The following ABCG2 variants were observed in gnomAD, a reference collection of about 807,000 sequenced individuals.
The protein encoded by ABCG2 is ATP binding cassette subfamily G member 2 (JR blood group).
In ABCG2, 80 loss-of-function variants were observed where a neutral mutation model predicts 73.5. The observed-to-expected ratio is 1.09, with a 90% confidence interval of 0.91 to 1.31. The LOEUF (loss-of-function observed/expected upper bound fraction) is 1.31. ABCG2 is among the 50% of genes most tolerant of loss of function. The probability of loss-of-function intolerance (pLI) is 0.00; values close to 1 mark genes in which losing one functional copy is unlikely to be tolerated. For missense variants in ABCG2, 796 were observed against 786.2 expected (o/e 1.01, Z -0.15); for synonymous variants, 269 against 282.4 (o/e 0.95, Z 0.48).
In ABCG2 at chr4:88,099,342, T is replaced by C. The variant is rs1722230534; in HGVS notation, c.1474A>G (p.Ile492Val). 6.2e-7 allele frequency: 1 copy of C among 1,608,586 alleles called. No individual in the cohort carries two copies. The highest frequency in any genetic ancestry group is 1.1e-5 in the South Asian group (1 of 89,718). ...RMLPSIIFTC[I>V]VYFMLGLKPK... is the part of the protein sequence containing the mutation. ...TACTTACCTAACATGAAGTACACTA[T>C]ACAGGTAAATATAATACTTGGTAAC... Residue 492 changes from isoleucine (I) to valine (V), a missense_variant, in exon 12 of 16, where the codon ATA becomes GTA. Coordinates refer to ENST00000237612, the MANE Select transcript of ABCG2 (RefSeq NM_004827.3).
At chr4:88,108,381 A>T (rs555308165) in intron 9 of ABCG2, among the ~76,000 whole-genome samples, 1 of 151,884 alleles carries the variant, frequency 6.6e-6, no homozygotes, top group South Asian at 2.1e-4. Context: ...CACACAAAAA[A>T]ATTAGCCAGG....
At chr4:88,217,625 G>A (rs1189394158) in intron 1 of ABCG2, among the ~76,000 whole-genome samples, 3 of 151,270 alleles carry the variant, frequency 2.0e-5, no homozygotes, top group Non-Finnish European at 4.4e-5. Flanking sequence ...TCACGCCACA[G>A]CACTCCAGCC....
chr4:88,184,343 C>T (rs2110102323), intron 1 of ABCG2, among the ~76,000 whole-genome samples: 1 of 152,174 alleles, frequency 6.6e-6, no homozygotes, highest in African/African-American at 2.4e-5. Flanking sequence ...CTAGAACTGA[C>T]AAATTCAGTA....
intron 3 of ABCG2, 152 bp downstream of exon 3, chr4:88,132,424 C>A: frequency 1.4e-6 from 1 of 725,928 alleles, no homozygotes; most frequent in South Asian, 2.0e-5. Flanking sequence ...GGGAAAAAAC[C>A]ACGCAACTAC....
At chr4:88,209,588 C>T (rs55721103) in intron 1 of ABCG2, among the ~76,000 whole-genome samples, 9,732 of 151,546 alleles carry the variant, frequency 0.064, 411 homozygotes, top group Non-Finnish European at 0.1. Flanking sequence ...ACCTGGGAGC[C>T]GGAGGTTGCA....
chr4:88,160,791 G>A (rs1244458416), upstream of ABCG2, among the ~76,000 whole-genome samples: 4 of 146,162 alleles, frequency 2.7e-5, no homozygotes, highest in Admixed American at 7.0e-5. Context: ...AGAGGCTGCA[G>A]TGAGCCAAGA....
Position 88,107,265 on chromosome 4 carries a change from A to G in ABCG2, c.1196T>C (p.Ile399Thr), listed in dbSNP as rs536117588. The part of the protein sequence containing the change: ...LGNPQASIAQ[I>T]IVTVVLGLVI... Reference sequence around the variant, plus strand: ...CAGTCCCAGTACGACTGTGACAATGATCTTTTCAAAAAGAAAAATGCAAAA... The same window carrying G: ...CAGTCCCAGTACGACTGTGACAATGGTCTTTTCAAAAAGAAAAATGCAAAA... Residue 399 changes from isoleucine (I) to threonine (T), a missense_variant and splice_region_variant, in exon 10 of 16, where the codon ATC (isoleucine) becomes ACC (threonine). Physicochemically the swap from Ile to Thr is moderately conservative, Grantham distance 89 (BLOSUM62 -1). Transcript: ENST00000237612. 1 of 1,592,966 alleles carries G rather than the reference A, an allele frequency of 6.3e-7. No homozygotes were observed. Among genetic ancestry groups the G allele is most frequent in the East Asian group, 2.2e-5 (1 of 44,726 alleles).
chr4:88,106,971 G>T (rs1425833499), intron 10 of ABCG2, among the ~76,000 whole-genome samples: 1 of 152,206 alleles, frequency 6.6e-6, no homozygotes, highest in Non-Finnish European at 1.5e-5. Flanking sequence ...GAACCCGGGA[G>T]GCGGAGATTG....
chr4:88,191,086 CA>C (rs149771048), intron 1 of ABCG2, among the ~76,000 whole-genome samples: 10 of 148,386 alleles, frequency 6.7e-5, no homozygotes, highest in East Asian at 6.0e-4. Context: ...AATACACACA[CA>C]AAAAAAAATT....
At chr4:88,171,789 C>G (rs1322101222) in intron 1 of ABCG2, among the ~76,000 whole-genome samples, 9 of 152,010 alleles carry the variant, frequency 5.9e-5, no homozygotes. Context: ...CTTTAAGACA[C>G]CTGGGAATAT....
rs537385142 is a variant in ABCG2, at chr4:88,148,738, C to T, written c.-19-8724G>A. On this transcript the variant is annotated intron_variant, in intron 1 of 15. Coordinates refer to ENST00000237612, the MANE Select transcript of ABCG2 (RefSeq NM_004827.3). ...TTTTTAATCATGTTTATTGGAAACCCGTCAACAGGAAACAGTATTGTAAAC... is the reference window on the plus strand; with the variant it reads ...TTTTTAATCATGTTTATTGGAAACCTGTCAACAGGAAACAGTATTGTAAAC... Among the ~76,000 whole-genome samples the T allele has an allele frequency of 3.3e-5, 5 of 152,162 alleles. No individual in the cohort carries two copies. In the East Asian group the frequency reaches 7.7e-4, roughly 23 times the overall value.
At chr4:88,215,034 G>C (rs1356179791) in intron 1 of ABCG2, among the ~76,000 whole-genome samples, 1 of 152,114 alleles carries the variant, frequency 6.6e-6, no homozygotes. Context: ...TGAGGTTTCA[G>C]TGAGCCATAA....
rs117127238 is a variant in ABCG2 at position 88,181,562 on chromosome 4, A to G, written c.-19-41548T>C. Reference sequence around the variant, plus strand: ...CCTAGGCAACAGAGGGAGACCCCACACCTACAAAAAATAAAAGAAATAGCC... The same window carrying G: ...CCTAGGCAACAGAGGGAGACCCCACGCCTACAAAAAATAAAAGAAATAGCC... On this transcript the variant is annotated intron_variant, in intron 1 of 15. Transcript: ENST00000515655. Among the ~76,000 whole-genome samples the G allele has an allele frequency of 9.2e-5, 14 of 152,142 alleles. No homozygotes were observed. The East Asian group carries it at 2.5e-3, about 27-fold the overall frequency.
chr4:88,104,305 C>T (rs1197557711), intron 10 of ABCG2, among the ~76,000 whole-genome samples: 3 of 152,102 alleles, frequency 2.0e-5, no homozygotes, highest in Non-Finnish European at 4.4e-5. Context: ...AGAACTAAAC[C>T]ACTGGCCTCG....
intron 1 of ABCG2, among the ~76,000 whole-genome samples, chr4:88,173,414 T>C (rs1337620860): frequency 6.6e-6 from 1 of 152,192 alleles, no homozygotes; most frequent in African/African-American, 2.4e-5. Context: ...TTCCATTGTT[T>C]ACTGTAAAAT....
chr4:88,132,722 A>G (rs1310514553), intron 2 of ABCG2, 87 bp from the exon 3 acceptor site: 12 of 1,404,054 alleles, frequency 8.5e-6, no homozygotes, highest in Non-Finnish European at 6.0e-6. Flanking sequence ...TACTCAATGA[A>G]GGTTGATGAA....
intron 1 of ABCG2, among the ~76,000 whole-genome samples, chr4:88,150,312 G>A (rs1231835369): frequency 6.6e-6 from 1 of 152,208 alleles, no homozygotes; most frequent in Non-Finnish European, 1.5e-5. Context: ...GGTGGTCACG[G>A]AAGGCCTTTC....
chr4:88,094,452 A>G, intron 15 of ABCG2, 125 bp downstream of exon 15: 3 of 727,684 alleles, frequency 4.1e-6, no homozygotes, highest in Non-Finnish European at 6.9e-6. Context: ...TTTATGGATG[A>G]GAAAACGTAG....
chr4:88,095,518 A>G lies in ABCG2; in HGVS notation c.1737+2T>C. On this transcript the variant is annotated splice_donor_variant, in intron 14 of 15. Transcript: ENST00000237612. LOFTEE classifies it high-confidence loss of function. ...TCACAGTGACAGACAAGGAAGACAT[A>G]CCGTAAATCCATATCGTGGAATGCT... 3 of 1,611,214 alleles carry G rather than the reference A, an allele frequency of 1.9e-6. No homozygotes were observed. The highest frequency in any genetic ancestry group is 2.5e-6 in the Non-Finnish European group (3 of 1,177,522).
Sources: gnomAD v4.1 joint callset for allele counts (sites outside exome capture counted in the v4.1 genomes callset) on GRCh38, gnomAD v4.1.1 for gene constraint, MANE v1.5 for transcripts, NCBI Gene and HGNC (gene_info 2026-07-23, HGNC 2026-07-21) for gene names.